The following BANK1 variants were observed in gnomAD, a reference collection of about 807,000 sequenced individuals.
BANK1 encodes the protein B-cell scaffold protein with ankyrin repeats.
BANK1 carries 95 observed loss-of-function variants against 94.5 expected under a neutral mutation model. The observed-to-expected ratio is 1.00, with a 90% CI of 0.85 to 1.19. BANK1 has a LOEUF of 1.19. Ranked by LOEUF, BANK1 falls within the 50% of genes most tolerant of loss-of-function variation. The pLI is 0.00. For synonymous variants in BANK1, 334 were observed against 308.4 expected (o/e 1.08, Z -0.87); for missense variants, 987 against 932.2 (o/e 1.06, Z -0.77).
intron 1 of BANK1, among the ~76,000 whole-genome samples, chr4:101,792,255 T>TCCCCCCCCC (rs771698917): frequency 3.4e-4 from 44 of 128,654 alleles, no homozygotes; most frequent in Admixed American, 4.8e-4. Context: ...TGCATTCCGC[T>TCCCCCCCCC]CCCCCCCCGC....
intron 11 of BANK1, among the ~76,000 whole-genome samples, chr4:102,046,622 A>C (rs1175725226): frequency 6.6e-6 from 1 of 152,138 alleles, no homozygotes; most frequent in Non-Finnish European, 1.5e-5. Flanking sequence ...CCAATCAAAG[A>C]CTGCATCCTT....
At chr4:101,820,101 T>C (rs1300227741) in intron 1 of BANK1, among the ~76,000 whole-genome samples, 2 of 152,174 alleles carry the variant, frequency 1.3e-5, no homozygotes, top group Admixed American at 1.3e-4. Flanking sequence ...AATTAACCAT[T>C]CTAATAGGCT....
intron 3 of BANK1, among the ~76,000 whole-genome samples, chr4:101,856,024 A>G (rs1403178814): frequency 1.3e-5 from 2 of 152,202 alleles, no homozygotes; most frequent in African/African-American, 4.8e-5. Flanking sequence ...TTGAGTATAA[A>G]GAGCCAGAGA....
Position 102,030,944 on chromosome 4 carries a change from G to T in BANK1, c.1900+679G>T, listed in dbSNP as rs1251750670. ...TAGTAGAATGATTTATAATACTTTG[G>T]GTATATACCCAGTAATGGGATTGCT... On this transcript the variant is annotated intron_variant, in intron 10 of 16. Transcript: ENST00000322953. Among the ~76,000 whole-genome samples the T allele has an allele frequency of 3.3e-5, 5 of 152,104 alleles. No homozygotes were observed. The East Asian group carries it at 9.7e-4, about 29-fold the overall frequency.
intron 7 of BANK1, among the ~76,000 whole-genome samples, chr4:101,983,482 A>G (rs1353458716): frequency 6.6e-6 from 1 of 152,078 alleles, no homozygotes; most frequent in Non-Finnish European, 1.5e-5. Flanking sequence ...TTCAAAACAA[A>G]CTGTTGTGAG....
intron 6 of BANK1, among the ~76,000 whole-genome samples, chr4:101,909,521 C>A (rs186933307): frequency 6.6e-6 from 1 of 152,106 alleles, no homozygotes; most frequent in African/African-American, 2.4e-5. Flanking sequence ...TGCACATGTA[C>A]CCTAGAACTT....
chr4:101,957,844 CTTTTT>C (rs776142689), intron 7 of BANK1, among the ~76,000 whole-genome samples: 1 of 87,624 alleles, frequency 1.1e-5, no homozygotes, highest in Non-Finnish European at 2.9e-5. Flanking sequence ...TTGTTTTTTG[CTTTTT>C]TTTTTTTTTT....
Position 101,842,087 on chromosome 4 carries a change from T to C in BANK1, c.469+11881T>C, listed in dbSNP as rs889379697. ...ATTAAACCAGTTATAGCATTAAAAG[T>C]GGTCTCAAATAATATCTCCTCAAAC... On this transcript the variant is annotated intron_variant, in intron 2 of 16. Transcript: ENST00000322953. Among the ~76,000 whole-genome samples the C allele has an allele frequency of 3.3e-5, 5 of 152,172 alleles. No homozygotes were observed. In the South Asian group the frequency reaches 1.0e-3, roughly 31 times the overall value.
chr4:101,855,304 C>T (rs936526920), intron 3 of BANK1, 115 bp downstream of exon 3: 3 of 1,009,288 alleles, frequency 3.0e-6, no homozygotes, highest in Admixed American at 2.6e-5. Flanking sequence ...GTCTTTAACT[C>T]CTGGCCTCAA....
At chr4:101,997,591 A>G (rs575102629) in intron 7 of BANK1, among the ~76,000 whole-genome samples, 17 of 152,048 alleles carry the variant, frequency 1.1e-4, no homozygotes, top group Admixed American at 2.0e-4. Flanking sequence ...TACTGCCTCA[A>G]TTTCAGAACT....
chr4:101,828,212 C>T (rs1726438512), intron 1 of BANK1, among the ~76,000 whole-genome samples: 1 of 151,490 alleles, frequency 6.6e-6, no homozygotes, highest in Non-Finnish European at 1.5e-5. Context: ...CCCTATTAGA[C>T]CTGTCCAACC....
rs532807456 is a variant in BANK1 at position 101,813,124 on chromosome 4, A to G, written c.71-16684A>G. On this transcript the variant is annotated intron_variant, in intron 1 of 16. Transcript: ENST00000322953. The stretch of plus-strand genomic sequence containing the variant: ...AACATCATATTTGTATTTATATACA[A>G]TATTCACTTCAGAATTGCAATCTAA... Among the ~76,000 whole-genome samples the G allele has an allele frequency of 2.0e-5, 3 of 152,262 alleles. No individual in the cohort carries two copies. The South Asian group carries it at 6.2e-4, about 32-fold the overall frequency.
At chr4:101,939,996 A>G (rs747523542) in intron 7 of BANK1, among the ~76,000 whole-genome samples, 2 of 151,742 alleles carry the variant, frequency 1.3e-5, no homozygotes, top group East Asian at 3.9e-4. Flanking sequence ...TTCATCTCCT[A>G]GCTTCCCTAT....
chr4:101,913,229 GA>G (rs1308411108), intron 6 of BANK1, among the ~76,000 whole-genome samples: 2 of 152,028 alleles, frequency 1.3e-5, no homozygotes, highest in African/African-American at 4.8e-5. Flanking sequence ...GAATGTAGAG[GA>G]AAAGAATGCA....
chr4:101,822,671 G>A (rs551370151), intron 1 of BANK1, among the ~76,000 whole-genome samples: 48 of 150,326 alleles, frequency 3.2e-4, no homozygotes, highest in South Asian at 1.7e-3. Flanking sequence ...GCTGGAGTGC[G>A]GTGGTGCAAT....
chr4:101,812,536 A>G (rs1478203522), intron 1 of BANK1, among the ~76,000 whole-genome samples: 2 of 151,950 alleles, frequency 1.3e-5, no homozygotes, highest in Admixed American at 6.6e-5. Flanking sequence ...ATTTTTATAT[A>G]TTCTTGACAT....
intron 11 of BANK1, 102 bp from the exon 12 acceptor site, chr4:102,060,109 A>C (rs1003807890): frequency 5.8e-6 from 6 of 1,033,228 alleles, no homozygotes; most frequent in African/African-American, 5.1e-5. Flanking sequence ...GCTCATAGAG[A>C]GTTAAGAAGA....
At chr4:101,840,056 C>T (rs1398707531) in intron 2 of BANK1, among the ~76,000 whole-genome samples, 2 of 135,636 alleles carry the variant, frequency 1.5e-5, no homozygotes, top group Admixed American at 1.5e-4. Context: ...GCAAGCTCCG[C>T]CTCCCGGGTT....
At chr4:102,051,857 A>T (rs1728057924) in intron 11 of BANK1, among the ~76,000 whole-genome samples, 1 of 152,106 alleles carries the variant, frequency 6.6e-6, no homozygotes, top group South Asian at 2.1e-4. Flanking sequence ...AAATGGAGGG[A>T]TGGGAAGGTC....
Sources: allele counts gnomAD v4.1 joint callset (sites outside exome capture counted in the v4.1 genomes callset), GRCh38; gene constraint gnomAD v4.1.1; transcripts MANE v1.5; gene names NCBI Gene and HGNC (gene_info 2026-07-23, HGNC 2026-07-21).